The following APBB1IP variants were observed in gnomAD, a reference collection of about 807,000 sequenced individuals.
The protein encoded by APBB1IP is amyloid beta precursor protein binding family B member 1 interacting protein.
Under a neutral mutation model 64.9 loss-of-function variants are expected in APBB1IP, and 27 were observed. The ratio of observed to expected loss-of-function variants is 0.42; its 90% CI spans 0.31 to 0.57. The LOEUF (loss-of-function observed/expected upper bound fraction) is 0.57. Ranked by LOEUF, APBB1IP falls within the 20% of genes least tolerant of loss-of-function variation. APBB1IP has a pLI of 0.20. For missense variants in APBB1IP, 812 were observed against 845.5 expected (o/e 0.96, Z 0.49); for synonymous variants, 392 against 331.0 (o/e 1.18, Z -2.00).
At chr10:26,509,910 C>A (rs1403678621) in intron 6 of APBB1IP, among the ~76,000 whole-genome samples, 2 of 152,172 alleles carry the variant, frequency 1.3e-5, no homozygotes, top group African/African-American at 2.4e-5. Context: ...AGAATTAATT[C>A]TGTTACATTA....
intron 8 of APBB1IP, among the ~76,000 whole-genome samples, chr10:26,519,149 G>T (rs901700038): frequency 6.6e-6 from 1 of 151,384 alleles, no homozygotes; most frequent in African/African-American, 2.4e-5. Flanking sequence ...GTGGGGGTGG[G>T]GTGGGGTGGG....
At chr10:26,451,922 G>A (rs1835469390) in intron 2 of APBB1IP, among the ~76,000 whole-genome samples, 1 of 152,230 alleles carries the variant, frequency 6.6e-6, no homozygotes, top group South Asian at 2.1e-4. Flanking sequence ...CAGGATATTA[G>A]ATATCAATTA....
chr10:26,527,609 CTCT>C (rs1836491535), intron 8 of APBB1IP, among the ~76,000 whole-genome samples: 1 of 150,946 alleles, frequency 6.6e-6, no homozygotes, highest in Non-Finnish European at 1.5e-5. Context: ...CAGACATTTC[CTCT>C]CTCCAGGGTC....
chr10:26,470,782 C>T (rs1198885320), intron 2 of APBB1IP, among the ~76,000 whole-genome samples: 1 of 152,082 alleles, frequency 6.6e-6, no homozygotes, highest in Non-Finnish European at 1.5e-5. Context: ...TGCTTCTATC[C>T]AAACCCACGG....
chr10:26,493,586 T>C (rs1440807102), intron 3 of APBB1IP, among the ~76,000 whole-genome samples: 1 of 152,206 alleles, frequency 6.6e-6, no homozygotes, highest in Non-Finnish European at 1.5e-5. Context: ...ACCCTGAAGA[T>C]TGGCAACATT....
Position 26,567,191 on chromosome 10 carries a change from C to T in APBB1IP, c.1704C>T (p.Leu568=). The T allele has an allele frequency of 3.6e-6, 5 of 1,404,766 alleles. No individual in the cohort carries two copies. Among genetic ancestry groups the T allele is most frequent in the Non-Finnish European group, 4.6e-6 (5 of 1,083,550 alleles). 87.0% of individuals were successfully genotyped at this position (1,404,766 alleles called of 1,614,324 possible). A position where few individuals can be genotyped will look rare whatever the true frequency, so the allele number is the denominator to read the frequency against. The change falls in exon 15 of 15, where the codon CTC becomes CTT. Residue 568 remains leucine (L), a synonymous_variant. Transcript: ENST00000376236. ...CGCCGCCCCTCGATGACCCTGAGCTCCCGCCGCCGCCCCCGGACTTCATGG... is the reference window on the plus strand; with the variant it reads ...CGCCGCCCCTCGATGACCCTGAGCTTCCGCCGCCGCCCCCGGACTTCATGG... ...PPPPPLDDPE[L]PPPPPDFMEP...
At chr10:26,540,907 A>G (rs1159733740) in intron 10 of APBB1IP, among the ~76,000 whole-genome samples, 2 of 151,150 alleles carry the variant, frequency 1.3e-5, no homozygotes, top group Non-Finnish European at 2.9e-5. Context: ...GCATAAGTTT[A>G]TCTCTCATTT....
chr10:26,503,528 G>A lies in APBB1IP; in HGVS notation c.531+254G>A, dbSNP rs181593538. On this transcript the variant is annotated intron_variant, in intron 6 of 14. Coordinates refer to ENST00000376236, the MANE Select transcript of APBB1IP (RefSeq NM_019043.4). ...CAGGTGCCTGTAGTCCCAGCTACTC[G>A]GGAGGCTGAGGAAGGAGAATTGCTT... Among the ~76,000 whole-genome samples, 835 of 152,120 alleles carry A rather than the reference G, an allele frequency of 5.5e-3. 5 individuals are homozygous for A. Among genetic ancestry groups the A allele is most frequent in the Non-Finnish European group, 7.7e-3 (524 of 67,982 alleles).
intron 2 of APBB1IP, among the ~76,000 whole-genome samples, chr10:26,456,570 G>A (rs1484221950): frequency 6.6e-6 from 1 of 151,854 alleles, no homozygotes; most frequent in Non-Finnish European, 1.5e-5. Context: ...AACTCTGGTG[G>A]CATTATAGAA....
At chr10:26,558,237 A>G (rs1017698459) in intron 11 of APBB1IP, among the ~76,000 whole-genome samples, 2 of 152,182 alleles carry the variant, frequency 1.3e-5, no homozygotes, top group African/African-American at 4.8e-5. Flanking sequence ...TGACCCATGA[A>G]AATTTACATG....
chr10:26,478,860 G>A (rs1835805613), intron 2 of APBB1IP, among the ~76,000 whole-genome samples: 1 of 152,068 alleles, frequency 6.6e-6, no homozygotes, highest in Admixed American at 6.6e-5. Context: ...AATTTTGGGA[G>A]GCTCCCTTTT....
chr10:26,491,192 T>C (rs1835950678), intron 2 of APBB1IP, among the ~76,000 whole-genome samples: 1 of 151,878 alleles, frequency 6.6e-6, no homozygotes. Flanking sequence ...GGAAGGAGAA[T>C]TGCTTTAACC....
chr10:26,460,475 A>G (rs1835576579), intron 2 of APBB1IP, among the ~76,000 whole-genome samples: 1 of 152,106 alleles, frequency 6.6e-6, no homozygotes, highest in African/African-American at 2.4e-5. Flanking sequence ...TCACAGTAGG[A>G]TGTTATATTT....
At chr10:26,442,549 G>T (rs1017297453) in intron 2 of APBB1IP, among the ~76,000 whole-genome samples, 1 of 152,154 alleles carries the variant, frequency 6.6e-6, no homozygotes, top group African/African-American at 2.4e-5. Context: ...CGACTGGAGG[G>T]TTTGCATCCA....
chr10:26,450,625 A>G (rs1835454774), intron 2 of APBB1IP, among the ~76,000 whole-genome samples: 1 of 151,002 alleles, frequency 6.6e-6, no homozygotes, highest in Non-Finnish European at 1.5e-5. Flanking sequence ...ACACTCCACT[A>G]TGGCTGTGGA....
Position 26,567,303 on chromosome 10 carries a change from C to CCG in APBB1IP, c.1817_1818insGC (p.Ala607ProfsTer50). The CCG allele has an allele frequency of 9.2e-7, 1 of 1,087,742 alleles. No homozygotes were observed. Among genetic ancestry groups the CCG allele is most frequent in the Admixed American group, 5.4e-5 (1 of 18,372 alleles). The allele number at this position is 1,087,742 out of a possible 1,614,324, so 67.4% of individuals were successfully genotyped here. ...GCTGCCCCCGCCGCCGCCGCCGCCGCCCGCGCCCGCGCCCGCCCCCGTCCC... is the reference window on the plus strand; with the variant it reads ...GCTGCCCCCGCCGCCGCCGCCGCCGCCGCCGCGCCCGCGCCCGCCCCCGTCCC... On this transcript the variant is annotated frameshift_variant, in exon 15 of 15. Transcript: ENST00000376236. LOFTEE classifies it low-confidence loss of function (END_TRUNC).
intron 2 of APBB1IP, among the ~76,000 whole-genome samples, chr10:26,472,737 G>A (rs751855199): frequency 3.9e-5 from 6 of 152,072 alleles, no homozygotes; most frequent in Non-Finnish European, 8.8e-5. Flanking sequence ...AGGAGTTCGA[G>A]ACCAGCCTGG....
chr10:26,487,864 C>T (rs10829010), intron 2 of APBB1IP, among the ~76,000 whole-genome samples: 14,203 of 152,068 alleles, frequency 0.093, 2,117 homozygotes, highest in African/African-American at 0.31. Context: ...TCTTGTTACT[C>T]AAATTATATT....
Position 26,519,187 on chromosome 10 carries a change from A to T in APBB1IP, c.813+5527A>T, listed in dbSNP as rs145558783. ...GCATCTGTAATCTCAGCTACTAGGG[A>T]GTCTGAGGCAGGAGAATCACTTGAA... On this transcript the variant is annotated intron_variant, in intron 8 of 14. Transcript: ENST00000376236. Among the ~76,000 whole-genome samples, 708 of 152,204 alleles carry T rather than the reference A, an allele frequency of 4.7e-3. 5 individuals carry two copies. Among genetic ancestry groups the T allele is most frequent in the Middle Eastern group, 0.017 (5 of 294 alleles).
Sources: gnomAD v4.1 joint callset for allele counts (sites outside exome capture counted in the v4.1 genomes callset) on GRCh38, gnomAD v4.1.1 for gene constraint, MANE v1.5 for transcripts, NCBI Gene and HGNC (gene_info 2026-07-23, HGNC 2026-07-21) for gene names.